The following SPECC1L variants were observed in gnomAD, a reference collection of about 807,000 sequenced individuals.
The protein encoded by SPECC1L is cytospin-A.
Under a neutral mutation model 116.8 loss-of-function variants are expected in SPECC1L, and 40 were observed. The ratio of observed to expected loss-of-function variants is 0.34; its 90% CI spans 0.27 to 0.45. SPECC1L has a LOEUF of 0.45. SPECC1L is among the 20% of genes least tolerant of loss of function. SPECC1L has a pLI of 1.00. For missense variants in SPECC1L, 1,110 were observed against 1,373.6 expected, an observed-to-expected ratio of 0.81 and a Z score of 3.03; for synonymous variants, 504 against 500.6, an observed-to-expected ratio of 1.01 and a Z score of -0.09.
chr22:24,384,381 A>G (rs1299770759), intron 14 of SPECC1L, among the ~76,000 whole-genome samples: 2 of 152,240 alleles, frequency 1.3e-5, no homozygotes, highest in Non-Finnish European at 2.9e-5. Context: ...AAATAATCCC[A>G]TAGGGAAACA....
intron 14 of SPECC1L, among the ~76,000 whole-genome samples, chr22:24,376,999 C>T (rs1438629577): frequency 1.3e-5 from 2 of 151,886 alleles, no homozygotes; most frequent in African/African-American, 4.8e-5. Context: ...AAATCCTATA[C>T]CCATTAGCAT....
chr22:24,365,638 G>A lies in SPECC1L; in HGVS notation c.2984+6G>A. 2 of 1,614,022 alleles carry A rather than the reference G, an allele frequency of 1.2e-6. No homozygotes were observed. The highest frequency in any genetic ancestry group is 3.3e-4 in the Middle Eastern group (2 of 6,062). On this transcript the variant is annotated splice_donor_region_variant and intron_variant, in intron 13 of 16. Coordinates refer to ENST00000314328, the MANE Select transcript of SPECC1L (RefSeq NM_015330.6). ...ACCACCCGAAGCCGAATAAGGTAGA[G>A]AACAGTTAATATTCATGCATTTCGT... is the stretch of plus-strand genomic sequence containing the variant.
At chr22:24,305,574 C>T (rs560415107) in intron 3 of SPECC1L, among the ~76,000 whole-genome samples, 1 of 152,070 alleles carries the variant, frequency 6.6e-6, no homozygotes, top group South Asian at 2.1e-4. Context: ...CAGACTTTTA[C>T]TACTATTGGC....
At chr22:24,289,311 C>T (rs1354111572) in intron 2 of SPECC1L, among the ~76,000 whole-genome samples, 1 of 152,136 alleles carries the variant, frequency 6.6e-6, no homozygotes, top group Non-Finnish European at 1.5e-5. Flanking sequence ...GTACTGTTGC[C>T]AGACATTCTT....
chr22:24,273,430 A>G (rs1280436221), intron 1 of SPECC1L, among the ~76,000 whole-genome samples: 1 of 152,180 alleles, frequency 6.6e-6, no homozygotes, highest in Non-Finnish European at 1.5e-5. Context: ...TGGTGTTAAA[A>G]TAAAGCATCT....
At chr22:24,352,507 G>C (rs2041445826) in intron 11 of SPECC1L, among the ~76,000 whole-genome samples, 1 of 152,028 alleles carries the variant, frequency 6.6e-6, no homozygotes, top group Admixed American at 6.6e-5. Context: ...TGAGGCCAGA[G>C]ATTTTTATAA....
chr22:24,313,616 C>T, intron 4 of SPECC1L, 150 bp downstream of exon 4: 1 of 882,104 alleles, frequency 1.1e-6, no homozygotes, highest in South Asian at 1.5e-5. Flanking sequence ...CGCTCATCAC[C>T]ATTATCAACT....
At chr22:24,305,215 C>T (rs1170360523) in intron 3 of SPECC1L, among the ~76,000 whole-genome samples, 1 of 152,188 alleles carries the variant, frequency 6.6e-6, no homozygotes, top group East Asian at 1.9e-4. Context: ...CCACAAAACA[C>T]AGGTGTTGAG....
intron 3 of SPECC1L, among the ~76,000 whole-genome samples, chr22:24,306,289 G>A (rs187163625): frequency 1.3e-5 from 2 of 150,242 alleles, no homozygotes; most frequent in Admixed American, 6.6e-5. Flanking sequence ...CCATTTTTCC[G>A]TTGTCTTTTT....
intron 14 of SPECC1L, among the ~76,000 whole-genome samples, chr22:24,379,408 T>C (rs1249331402): frequency 6.6e-6 from 1 of 152,090 alleles, no homozygotes; most frequent in South Asian, 2.1e-4. Flanking sequence ...AAAATTTACT[T>C]CCTCTTGATT....
chr22:24,388,701 CA>C (rs2042210019), intron 14 of SPECC1L, among the ~76,000 whole-genome samples: 1 of 152,156 alleles, frequency 6.6e-6, no homozygotes, highest in Non-Finnish European at 1.5e-5. Flanking sequence ...ATCACATCTG[CA>C]AACTCTCTTG....
In SPECC1L at chr22:24,318,677, T is replaced by C. The variant is rs5760336; in HGVS notation, c.308-2611T>C. The stretch of plus-strand genomic sequence containing the variant: ...GTGCACGCCTGTAATCCCAGCACTT[T>C]AGGAGGCCAAGGTGGGCAGATCACT... On this transcript the variant is annotated intron_variant, in intron 4 of 16. Transcript: ENST00000314328. Among the ~76,000 whole-genome samples, 1,304 of 152,232 alleles carry C rather than the reference T, an allele frequency of 8.6e-3. 108 individuals are homozygous for C. The East Asian group carries it at 0.2, about 24-fold the overall frequency.
chr22:24,410,327 C>G (rs1027420872), intron 14 of SPECC1L, among the ~76,000 whole-genome samples: 2 of 152,220 alleles, frequency 1.3e-5, no homozygotes, highest in Non-Finnish European at 2.9e-5. Flanking sequence ...TGCCTGGCAG[C>G]AAATTGCAGA....
At chr22:24,318,021 GCTC>G (rs1434342555) in intron 4 of SPECC1L, among the ~76,000 whole-genome samples, 13 of 149,404 alleles carry the variant, frequency 8.7e-5, no homozygotes, top group African/African-American at 3.0e-4. Context: ...GGGCAGAGAC[GCTC>G]CTCACTTTCC....
intron 3 of SPECC1L, among the ~76,000 whole-genome samples, chr22:24,309,407 A>AG (rs2040415634): frequency 6.6e-6 from 1 of 151,346 alleles, no homozygotes; most frequent in Non-Finnish European, 1.5e-5. Flanking sequence ...ACTGAAGTTC[A>AG]ATTTTTTTTT....
chr22:24,275,674 A>G (rs2048823622), intron 1 of SPECC1L, among the ~76,000 whole-genome samples: 1 of 152,152 alleles, frequency 6.6e-6, no homozygotes, highest in African/African-American at 2.4e-5. Context: ...AAGAGGAAAA[A>G]TACATTGCCT....
At chr22:24,294,548 A>AT (rs2049221590) in intron 2 of SPECC1L, among the ~76,000 whole-genome samples, 1 of 151,538 alleles carries the variant, frequency 6.6e-6, no homozygotes, top group African/African-American at 2.4e-5. Flanking sequence ...CACCCAGCTA[A>AT]TTTTTTATAT....
intron 14 of SPECC1L, among the ~76,000 whole-genome samples, chr22:24,394,812 A>G (rs967108233): frequency 1.1e-4 from 17 of 152,302 alleles, no homozygotes; most frequent in Non-Finnish European, 2.1e-4. Flanking sequence ...TTGCCACCGT[A>G]TATCTTCTTT....
chr22:24,337,686 T>C (rs1052238974), intron 9 of SPECC1L, among the ~76,000 whole-genome samples: 2 of 152,234 alleles, frequency 1.3e-5, no homozygotes, highest in African/African-American at 4.8e-5. Flanking sequence ...CACAGTGGTC[T>C]GCTTCATCTT....
Sources: gnomAD v4.1 joint callset for allele counts (sites outside exome capture counted in the v4.1 genomes callset) on GRCh38, gnomAD v4.1.1 for gene constraint, MANE v1.5 for transcripts, NCBI Gene and HGNC (gene_info 2026-07-23, HGNC 2026-07-21) for gene names.